Variants in UNC13C observed in about 807,000 individuals in gnomAD.
UNC13C encodes protein unc-13 homolog C.
UNC13C carries 174 observed loss-of-function variants against 245.4 expected under a neutral mutation model. The observed-to-expected ratio is 0.71, with a 90% CI of 0.63 to 0.80. The LOEUF is 0.80. Among genes scored for constraint, UNC13C ranks in the 30% least tolerant of loss-of-function variants. The pLI, the probability that UNC13C is intolerant of heterozygous loss-of-function variation, is 0.00. For synonymous variants in UNC13C, 992 were observed against 895.1 expected (o/e 1.11, Z -1.93); for missense variants, 2,829 against 2,602.9 (o/e 1.09, Z -1.89).
intron 1 of UNC13C, among the ~76,000 whole-genome samples, chr15:53,993,386 A>T (rs966458129): frequency 6.6e-6 from 1 of 152,116 alleles, no homozygotes; most frequent in East Asian, 1.9e-4. Context: ...CTTGACCGTG[A>T]ACCTCTCTCA....
chr15:54,470,831 A>C (rs1450217890), intron 19 of UNC13C, among the ~76,000 whole-genome samples: 3 of 150,490 alleles, frequency 2.0e-5, no homozygotes, highest in African/African-American at 4.9e-5. Context: ...TTGAGATGTA[A>C]CTTTTTTTTA....
intron 30 of UNC13C, among the ~76,000 whole-genome samples, chr15:54,617,892 C>T (rs1566942485): frequency 6.6e-6 from 1 of 152,020 alleles, no homozygotes; most frequent in East Asian, 1.9e-4. Context: ...GGTTGACCTT[C>T]ATAAATAATC....
chr15:54,620,517 A>C (rs1900729941), intron 30 of UNC13C, among the ~76,000 whole-genome samples: 1 of 152,132 alleles, frequency 6.6e-6, no homozygotes, highest in African/African-American at 2.4e-5. Flanking sequence ...ATACTGTATT[A>C]GTTACTCGTG....
In UNC13C at chr15:54,618,867, G is replaced by A. The variant is rs564476172; in HGVS notation, c.6107-3460G>A. On this transcript the variant is annotated intron_variant, in intron 30 of 32. Coordinates refer to ENST00000260323, the MANE Select transcript of UNC13C (RefSeq NM_001080534.3). ...GTGCAAAGTAATCTGGATAACTTAC[G>A]GAAAAAGTTAAAATTCCACTGTGAC... Among the ~76,000 whole-genome samples the A allele has an allele frequency of 2.7e-4, 41 of 152,044 alleles. No homozygotes were observed. The South Asian group carries it at 3.1e-3, about 12-fold the overall frequency.
chr15:53,908,563 C>T, the UNC13C span, among the ~76,000 whole-genome samples: 5 of 143,758 alleles, frequency 3.5e-5, 2 homozygotes, highest in South Asian at 1.2e-3. Context: ...ACATGGAAAA[C>T]CTTGTCTCTA....
At chr15:54,092,349 A>G (rs1567007611) in intron 2 of UNC13C, among the ~76,000 whole-genome samples, 1 of 152,150 alleles carries the variant, frequency 6.6e-6, no homozygotes. Flanking sequence ...TCATTACCCA[A>G]GTCTTTACAG....
At chr15:54,447,360 C>T (rs1258797579) in intron 19 of UNC13C, among the ~76,000 whole-genome samples, 2 of 152,126 alleles carry the variant, frequency 1.3e-5, no homozygotes, top group Non-Finnish European at 2.9e-5. Flanking sequence ...CCACCTCCTC[C>T]TTGTACCTCT....
At chr15:53,860,272 T>C in the UNC13C span, among the ~76,000 whole-genome samples, 1 of 152,190 alleles carries the variant, frequency 6.6e-6, no homozygotes, top group Non-Finnish European at 1.5e-5. Flanking sequence ...CATGATATCA[T>C]TTTCAAGCAA....
intron 17 of UNC13C, among the ~76,000 whole-genome samples, chr15:54,368,354 A>G (rs912114144): frequency 6.6e-6 from 1 of 152,018 alleles, no homozygotes; most frequent in African/African-American, 2.4e-5. Flanking sequence ...CTTTTAAATT[A>G]TCAAATCTTC....
intron 30 of UNC13C, among the ~76,000 whole-genome samples, chr15:54,578,706 A>C (rs116455510): frequency 0.012 from 1,775 of 152,324 alleles, 33 homozygotes; most frequent in African/African-American, 0.04. Context: ...AGTCAGACAG[A>C]GGGCCAGCAC....
chr15:54,036,397 A>G (rs1022353708), intron 2 of UNC13C, among the ~76,000 whole-genome samples: 10 of 152,166 alleles, frequency 6.6e-5, no homozygotes, highest in African/African-American at 2.4e-4. Flanking sequence ...AAATCCTTCA[A>G]TTTACGGAGA....
intron 18 of UNC13C, 85 bp from the exon 19 acceptor site, chr15:54,414,897 C>A: frequency 1.3e-6 from 1 of 774,306 alleles, no homozygotes; most frequent in Non-Finnish European, 2.1e-6. Context: ...GTAATAACTA[C>A]TGTGGTATAT....
At chr15:54,003,860 A>G (rs1203768198) in intron 1 of UNC13C, among the ~76,000 whole-genome samples, 1 of 152,066 alleles carries the variant, frequency 6.6e-6, no homozygotes, top group Non-Finnish European at 1.5e-5. Flanking sequence ...AAAATACAAA[A>G]AATTCATTGG....
intron 2 of UNC13C, among the ~76,000 whole-genome samples, chr15:54,121,159 G>C (rs1444705731): frequency 6.6e-6 from 1 of 152,112 alleles, no homozygotes; most frequent in Non-Finnish European, 1.5e-5. Flanking sequence ...TTTCCCAGAA[G>C]GAAGAGTCAA....
the UNC13C span, among the ~76,000 whole-genome samples, chr15:53,962,726 T>A: frequency 6.6e-6 from 1 of 152,176 alleles, no homozygotes; most frequent in Admixed American, 6.5e-5. Flanking sequence ...AAGAGAGGAA[T>A]AGACTGGAGC....
At chr15:53,970,380 T>G in the UNC13C span, among the ~76,000 whole-genome samples, 1 of 152,220 alleles carries the variant, frequency 6.6e-6, no homozygotes, top group Non-Finnish European at 1.5e-5. Context: ...TTTTCTTTCC[T>G]TTTTAAGGCT....
At chr15:54,255,527 C>G (rs1360536198) in intron 8 of UNC13C, among the ~76,000 whole-genome samples, 1 of 152,186 alleles carries the variant, frequency 6.6e-6, no homozygotes, top group African/African-American at 2.4e-5. Context: ...CCACTTGTGT[C>G]TTTTTCTACC....
chr15:54,597,518 G>T (rs1391043710), intron 30 of UNC13C, among the ~76,000 whole-genome samples: 1 of 152,140 alleles, frequency 6.6e-6, no homozygotes, highest in Non-Finnish European at 1.5e-5. Context: ...GGTAAGACAT[G>T]GAAGGAGAGG....
chr15:54,148,915 G>A (rs1897064), intron 4 of UNC13C, among the ~76,000 whole-genome samples: 43,657 of 152,002 alleles, frequency 0.29, 6,503 homozygotes, highest in African/African-American at 0.35. Flanking sequence ...CATGGAGGAA[G>A]GAGCCGTTGT....
Sources: allele counts gnomAD v4.1 joint callset (sites outside exome capture counted in the v4.1 genomes callset), GRCh38; gene constraint gnomAD v4.1.1; transcripts MANE v1.5; gene names NCBI Gene and HGNC (gene_info 2026-07-23, HGNC 2026-07-21).